The following RASGEF1C variants were observed in gnomAD, a reference collection of about 807,000 sequenced individuals.
RASGEF1C encodes ras-GEF domain-containing family member 1C.
In RASGEF1C, 27 loss-of-function variants were observed where a neutral mutation model predicts 58.1. The ratio of observed to expected loss-of-function variants is 0.46; its 90% CI spans 0.34 to 0.64. The LOEUF is 0.64. Ranked by LOEUF, RASGEF1C falls within the 30% of genes least tolerant of loss-of-function variation. The probability of loss-of-function intolerance (pLI) is 0.01; values close to 1 mark genes in which losing one functional copy is unlikely to be tolerated. For synonymous variants in RASGEF1C, 243 were observed against 246.3 expected (o/e 0.99, Z 0.13); for missense variants, 502 against 605.1 (o/e 0.83, Z 1.79).
intron 1 of RASGEF1C, among the ~76,000 whole-genome samples, chr5:180,201,479 C>A (rs1196672508): frequency 3.9e-5 from 6 of 152,198 alleles, no homozygotes; most frequent in Non-Finnish European, 5.9e-5. Flanking sequence ...CCCAAGCCCC[C>A]AGCTCCTGCC....
chr5:180,103,117 G>T (rs147707392), intron 12 of RASGEF1C, among the ~76,000 whole-genome samples: 6 of 152,022 alleles, frequency 3.9e-5, no homozygotes, highest in Middle Eastern at 6.8e-3. Context: ...TCGCTCTGTC[G>T]CCCAGGCTGG....
At chr5:180,123,077 T>C (rs977823704) in intron 6 of RASGEF1C, among the ~76,000 whole-genome samples, 1 of 152,166 alleles carries the variant, frequency 6.6e-6, no homozygotes, top group Admixed American at 6.5e-5. Context: ...ATATTAACAT[T>C]GAACAAAATA....
At chr5:180,179,959 A>G (rs1335494733) in intron 1 of RASGEF1C, among the ~76,000 whole-genome samples, 1 of 152,194 alleles carries the variant, frequency 6.6e-6, no homozygotes, top group Non-Finnish European at 1.5e-5. Flanking sequence ...ACCAACAGAA[A>G]GAAAAGCACA....
intron 1 of RASGEF1C, among the ~76,000 whole-genome samples, chr5:180,161,448 AG>A (rs989403998): frequency 1.3e-5 from 2 of 152,236 alleles, no homozygotes; most frequent in Non-Finnish European, 2.9e-5. Context: ...CACGGCAGCC[AG>A]GGGGGAACTG....
chr5:180,129,887 A>C (rs897628688), intron 4 of RASGEF1C, among the ~76,000 whole-genome samples: 4 of 152,208 alleles, frequency 2.6e-5, no homozygotes, highest in Non-Finnish European at 5.9e-5. Context: ...CCTTGGAAAT[A>C]GGGGTTTCCG....
At chr5:180,132,535 C>T (rs1312043479) in intron 4 of RASGEF1C, among the ~76,000 whole-genome samples, 2 of 152,172 alleles carry the variant, frequency 1.3e-5, no homozygotes, top group African/African-American at 4.8e-5. Context: ...GGCAGAAAGC[C>T]GACGCAGGAG....
chr5:180,128,058 C>T (rs945667512), intron 5 of RASGEF1C, among the ~76,000 whole-genome samples: 22 of 152,238 alleles, frequency 1.4e-4, no homozygotes, highest in Admixed American at 5.2e-4. Flanking sequence ...TGCTGTGTGA[C>T]TTTGGCAAGT....
intron 1 of RASGEF1C, among the ~76,000 whole-genome samples, chr5:180,189,176 A>G (rs535136595): frequency 4.4e-4 from 67 of 152,348 alleles, no homozygotes; most frequent in African/African-American, 1.6e-3. Context: ...ATGGAAATTT[A>G]AAAACACTAT....
chr5:180,137,569 C>G lies in RASGEF1C; in HGVS notation c.300+21G>C. On this transcript the variant is annotated intron_variant, in intron 3 of 13. Coordinates refer to ENST00000361132, the MANE Select transcript of RASGEF1C (RefSeq NM_175062.4). The surrounding 1 kb of genome is among the most constrained non-coding windows in gnomAD (Gnocchi z 4.1). The stretch of plus-strand genomic sequence containing the variant: ...CAGTGCTGGTACACTCTGAGACCCC[C>G]TGGCCTGCCCTCCGCCTCACCTTGT... 1 of 1,603,936 alleles carries G rather than the reference C, an allele frequency of 6.2e-7. No homozygotes were observed. Among genetic ancestry groups the G allele is most frequent in the Non-Finnish European group, 8.5e-7 (1 of 1,176,696 alleles).
intron 12 of RASGEF1C, among the ~76,000 whole-genome samples, chr5:180,102,780 C>T (rs1388043223): frequency 2.0e-5 from 3 of 152,164 alleles, no homozygotes; most frequent in Non-Finnish European, 2.9e-5. Context: ...TCCCCTAATA[C>T]TGTGCTGTCT....
intron 1 of RASGEF1C, among the ~76,000 whole-genome samples, chr5:180,203,980 G>A: frequency 7.0e-6 from 1 of 142,704 alleles, no homozygotes; most frequent in East Asian, 2.1e-4. Flanking sequence ...GCGACAGAGT[G>A]AGACTCTGTC....
At chr5:180,151,573 T>C (rs1766745899) in intron 1 of RASGEF1C, among the ~76,000 whole-genome samples, 4 of 151,988 alleles carry the variant, frequency 2.6e-5, no homozygotes, top group Non-Finnish European at 5.9e-5. Flanking sequence ...TAATTCAAGA[T>C]GGATTAAAGA....
At position 180,137,818 on chromosome 5, in the gene RASGEF1C, G is replaced by T; in HGVS notation, c.177+58C>A. ...GCCCAAGGTCACGCCCAACCCTGAT[G>T]CCCCCCGTGCGTGGTGGAGGAGAGC... On this transcript the variant is annotated intron_variant, in intron 2 of 13. Transcript: ENST00000361132. The surrounding 1 kb of genome is among the most constrained non-coding windows in gnomAD (Gnocchi z 4.1). The T allele has an allele frequency of 6.2e-7, 1 of 1,602,094 alleles. No individual in the cohort carries two copies. The highest frequency in any genetic ancestry group is 1.1e-5 in the South Asian group (1 of 89,160).
chr5:180,189,998 GA>G lies in RASGEF1C; in HGVS notation c.-7+19029del, dbSNP rs377155435. ...TGGTGCTGGAATAGTTACTTCATGC[GA>G]AAAAAAAAACCTGATATTGATCCAT... On this transcript the variant is annotated intron_variant, in intron 1 of 13. Coordinates refer to ENST00000361132, the MANE Select transcript of RASGEF1C (RefSeq NM_175062.4). Among the ~76,000 whole-genome samples the G allele has an allele frequency of 6.8e-4, 94 of 138,654 alleles. 2 individuals are homozygous for G. Among genetic ancestry groups the G allele is most frequent in the African/African-American group, 2.4e-3 (91 of 37,828 alleles). 91.0% of individuals were successfully genotyped at this position (138,654 alleles called of 152,430 possible).
intron 10 of RASGEF1C, among the ~76,000 whole-genome samples, 198 bp downstream of exon 10, chr5:180,118,411 G>C (rs1766106679): frequency 1.3e-5 from 2 of 152,164 alleles, no homozygotes; most frequent in Non-Finnish European, 2.9e-5. Context: ...AGCACTTCCT[G>C]TCAGTCAGAG....
chr5:180,109,961 C>G (rs1765931448), intron 12 of RASGEF1C, among the ~76,000 whole-genome samples: 2 of 150,972 alleles, frequency 1.3e-5, no homozygotes, highest in South Asian at 2.1e-4. Flanking sequence ...CATTTCAGCC[C>G]TCTGCTCTCC....
intron 1 of RASGEF1C, among the ~76,000 whole-genome samples, chr5:180,149,088 C>CTTTTTTTTTTTTTTTTTTTTTT (rs61204210): frequency 6.4e-5 from 7 of 110,172 alleles, no homozygotes; most frequent in African/African-American, 1.7e-4. Context: ...CTTTTTTTTT[C>CTTTTTTTTTTTTTTTTTTTTTT]TTTTTTTTTT....
At chr5:180,129,738 C>T (rs923538259) in intron 4 of RASGEF1C, among the ~76,000 whole-genome samples, 1 of 152,206 alleles carries the variant, frequency 6.6e-6, no homozygotes, top group African/African-American at 2.4e-5. Flanking sequence ...GGACCAGGCT[C>T]CAGCTCCCAC....
rs1025729471 is a variant in RASGEF1C at position 180,198,622 on chromosome 5, C to T, written c.-7+10406G>A. On this transcript the variant is annotated intron_variant, in intron 1 of 13. Transcript: ENST00000361132. The surrounding 1 kb of genome is among the most constrained non-coding windows in gnomAD (Gnocchi z 4.5). ...CATACCTCTTTCTTTTATAGGGGAA[C>T]GAATTCCGTTTTTTAGGGTACTACC... is the stretch of plus-strand genomic sequence containing the variant. 3.9e-5 allele frequency among the ~76,000 whole-genome samples: 6 copies of T among 152,132 alleles called. No homozygotes were observed. Among genetic ancestry groups the T allele is most frequent in the East Asian group, 1.9e-4 (1 of 5,182 alleles).
Sources: gnomAD v4.1 joint callset for allele counts (sites outside exome capture counted in the v4.1 genomes callset) on GRCh38, gnomAD v4.1.1 for gene constraint, Gnocchi (gnomAD v3.1) non-coding constraint, MANE v1.5 for transcripts, NCBI Gene and HGNC (gene_info 2026-07-23, HGNC 2026-07-21) for gene names.